Variants in TMEM245 observed in about 807,000 individuals in gnomAD.
TMEM245 encodes transmembrane protein 245.
TMEM245 carries 69 observed loss-of-function variants against 101.2 expected under a neutral mutation model. The observed-to-expected ratio is 0.68, with a 90% confidence interval of 0.56 to 0.83. TMEM245 has a LOEUF of 0.83. Among genes scored for constraint, TMEM245 ranks in the 40% least tolerant of loss-of-function variants. TMEM245 has a pLI of 0.00. For missense variants in TMEM245, 1,075 were observed against 1,092.8 expected, an observed-to-expected ratio of 0.98 and a Z score of 0.23; for synonymous variants, 537 against 449.8, an observed-to-expected ratio of 1.19 and a Z score of -2.45.
intron 14 of TMEM245, among the ~76,000 whole-genome samples, chr9:109,043,915 A>G (rs1828395486): frequency 6.6e-6 from 1 of 152,198 alleles, no homozygotes; most frequent in African/African-American, 2.4e-5. Flanking sequence ...AGAGTTAGTT[A>G]GGATCAGCTT....
chr9:109,119,327 T>G lies in TMEM245; in HGVS notation c.579+8A>C, dbSNP rs1161587312. On this transcript the variant is annotated splice_region_variant and intron_variant, in intron 1 of 17. Coordinates refer to ENST00000374586, the MANE Select transcript of TMEM245 (RefSeq NM_032012.4). ...GCGGGGGACGGGGGCGGACTGCCGC[T>G]CACTCACCCACAGGCTGCTGAAGTA... 10 of 1,524,064 alleles carry G rather than the reference T, an allele frequency of 6.6e-6. No individual in the cohort carries two copies. In the African/African-American group the frequency reaches 1.4e-4, roughly 22 times the overall value. The allele number at this position is 1,524,064 out of a possible 1,614,324, so 94.4% of individuals were successfully genotyped here.
At chr9:109,057,072 T>C in intron 12 of TMEM245, 119 bp downstream of exon 12, 5 of 1,122,772 alleles carry the variant, frequency 4.5e-6, no homozygotes, top group Non-Finnish European at 6.2e-6. Context: ...TTCTCAAATA[T>C]GTAAATGTCA....
At chr9:109,023,383 A>C (rs907808697) in intron 17 of TMEM245, among the ~76,000 whole-genome samples, 5 of 152,226 alleles carry the variant, frequency 3.3e-5, no homozygotes. Context: ...TAAAGCTCAT[A>C]AAACTATAAC....
intron 10 of TMEM245, 64 bp from the exon 11 acceptor site, chr9:109,060,516 T>G: frequency 9.2e-7 from 1 of 1,084,528 alleles, no homozygotes; most frequent in Non-Finnish European, 1.4e-6. Context: ...AAAATTAATA[T>G]ATGCTGGGTA....
At chr9:109,106,390 T>C (rs979999821) in intron 3 of TMEM245, 118 bp downstream of exon 3, 1 of 551,240 alleles carries the variant, frequency 1.8e-6, no homozygotes. Flanking sequence ...TATTTTCCAC[T>C]CAGAAACCAT....
chr9:109,062,946 G>A (rs1229285204), intron 10 of TMEM245, among the ~76,000 whole-genome samples: 2 of 151,526 alleles, frequency 1.3e-5, no homozygotes, highest in African/African-American at 4.9e-5. Context: ...CTCCAGCCTG[G>A]GCAACAGAGC....
At chr9:109,026,579 G>GA (rs144556356) in intron 17 of TMEM245, among the ~76,000 whole-genome samples, 4,737 of 145,574 alleles carry the variant, frequency 0.033, 262 homozygotes, top group African/African-American at 0.11. Context: ...GGCCATGAAA[G>GA]AAAAAAAAAA....
chr9:109,032,375 T>G (rs918239006), intron 17 of TMEM245, among the ~76,000 whole-genome samples: 98 of 60,768 alleles, frequency 1.6e-3, no homozygotes, highest in Admixed American at 2.2e-3. Context: ...CTTTTTTTTT[T>G]TTTTTTTTTT....
intron 6 of TMEM245, among the ~76,000 whole-genome samples, chr9:109,086,658 A>G (rs1829848033): frequency 2.0e-5 from 3 of 152,218 alleles, no homozygotes; most frequent in Admixed American, 2.0e-4. Context: ...AGGAAACTTC[A>G]TGGATTCATA....
intron 14 of TMEM245, among the ~76,000 whole-genome samples, chr9:109,042,658 T>C (rs1828347049): frequency 6.6e-6 from 1 of 152,066 alleles, no homozygotes; most frequent in Non-Finnish European, 1.5e-5. Flanking sequence ...AAAATTTTTT[T>C]ATTGAGATGA....
At position 109,018,100 on chromosome 9, in the gene TMEM245, A is replaced by T. The variant is rs1489244863; in HGVS notation, c.*2360T>A. The T allele has an allele frequency of 2.6e-5, 4 of 152,220 alleles. No homozygotes were observed. The highest frequency in any genetic ancestry group is 4.4e-5 in the Non-Finnish European group (3 of 68,050). 9.4% of individuals were successfully genotyped at this position (152,220 alleles called of 1,614,324 possible). A position where few individuals can be genotyped will look rare whatever the true frequency, so the allele number is the denominator to read the frequency against. ...CTAAGAACCTGATATTTATGCTAAT[A>T]ATTACCCAGCAAGAAACATTAGCTG... On this transcript the variant is annotated 3_prime_UTR_variant, in exon 18 of 18. Transcript: ENST00000374586.
chr9:109,119,534 G>C lies in TMEM245; in HGVS notation c.380C>G (p.Pro127Arg). Residue 127 changes from proline (P) to arginine (R), a missense_variant, in exon 1 of 18, where the codon CCG (proline) becomes CGG (arginine). Around this residue, in one of 2 missense-constraint regions of TMEM245, gnomAD observed 808 missense variants for 741.5 expected, o/e 1.09. Coordinates refer to ENST00000374586, the MANE Select transcript of TMEM245 (RefSeq NM_032012.4). ...TPIVLAALLL[P>R]LCFVDYGVEA... ...GACGCCGTAGTCGACGAAGCAGAGC[G>C]GCAGGAGCAGCGCGGCCAGGACGAT... 2.6e-6 allele frequency: 4 copies of C among 1,530,374 alleles called. No individual in the cohort carries two copies. Among genetic ancestry groups the C allele is most frequent in the South Asian group, 1.2e-5 (1 of 83,410 alleles). The allele number at this position is 1,530,374 out of a possible 1,614,324, so 94.8% of individuals were successfully genotyped here.
chr9:109,057,093 A>G, intron 12 of TMEM245, 98 bp downstream of exon 12: 1 of 1,327,004 alleles, frequency 7.5e-7, no homozygotes, highest in South Asian at 1.4e-5. Context: ...TGATGTTAAA[A>G]ACAGGATAGA....
rs370760612 is a variant in TMEM245, at chr9:109,090,930, G to A, written c.1142C>T (p.Pro381Leu). ...NLWIVQLLPV[P>L]IAVWILKKLV... ...CTTAACCAGATAACGACCTGCAATC[G>A]GCACTGGCAGCAACTGCACAATCCA... Residue 381 changes from proline (P) to leucine (L), a missense_variant, in exon 5 of 18, where the codon CCG becomes CTG. Physicochemically the swap from Pro to Leu is moderately conservative, Grantham distance 98 (BLOSUM62 -3). Coordinates refer to ENST00000374586, the MANE Select transcript of TMEM245 (RefSeq NM_032012.4). 2.9e-5 allele frequency: 47 copies of A among 1,613,742 alleles called. No individual in the cohort carries two copies. The highest frequency in any genetic ancestry group is 3.5e-5 in the Non-Finnish European group (41 of 1,179,880).
intron 10 of TMEM245, among the ~76,000 whole-genome samples, 160 bp from the exon 11 acceptor site, chr9:109,060,612 G>A (rs1828984408): frequency 6.6e-6 from 1 of 152,156 alleles, no homozygotes; most frequent in Non-Finnish European, 1.5e-5. Flanking sequence ...CTACTCCTGA[G>A]TATTCCCAGT....
intron 9 of TMEM245, among the ~76,000 whole-genome samples, chr9:109,065,678 G>A (rs549171740): frequency 6.6e-6 from 1 of 152,212 alleles, no homozygotes; most frequent in South Asian, 2.1e-4. Context: ...TTTTCCACAA[G>A]AGAAAATATG....
intron 4 of TMEM245, among the ~76,000 whole-genome samples, chr9:109,092,784 C>A (rs1439482486): frequency 6.6e-6 from 1 of 152,136 alleles, no homozygotes; most frequent in Non-Finnish European, 1.5e-5. Flanking sequence ...TGCAAGAGTA[C>A]AGCATGACTC....
In TMEM245 at chr9:109,086,000, C is replaced by A; in HGVS notation, c.1341G>T (p.Lys447Asn). Residue 447 changes from lysine to asparagine, a missense_variant, in exon 7 of 18, where the codon AAG becomes AAT. Physicochemically the swap from Lys to Asn is moderately conservative, Grantham distance 94 (BLOSUM62 0). Transcript: ENST00000374586. Reference sequence around the variant, plus strand: ...CAACATCTGGGTGTTCATTTACCTTCTTATTTAGCCAGTGCCAGAGCTTGA... The same window carrying A: ...CAACATCTGGGTGTTCATTTACCTTATTATTTAGCCAGTGCCAGAGCTTGA... ...VDSKLWHWLN[K>N]KMIIWLEKML... The A allele has an allele frequency of 6.2e-7, 1 of 1,613,986 alleles. No homozygotes were observed. Among genetic ancestry groups the A allele is most frequent in the Non-Finnish European group, 8.5e-7 (1 of 1,179,956 alleles).
Position 109,112,057 on chromosome 9 carries a change from G to A in TMEM245, c.580-3487C>T, listed in dbSNP as rs543780398. Among the ~76,000 whole-genome samples, 32 of 152,206 alleles carry A rather than the reference G, an allele frequency of 2.1e-4. No homozygotes were observed. The South Asian group carries it at 6.2e-3, about 30-fold the overall frequency. ...TCGCAGAAGTAATATTAGTTCAAGA[G>A]GTAAGGCCATTTATAAAAACACTTT... On this transcript the variant is annotated intron_variant, in intron 1 of 17. Transcript: ENST00000374586.
Sources: allele counts gnomAD v4.1 joint callset (sites outside exome capture counted in the v4.1 genomes callset), GRCh38; gene constraint gnomAD v4.1.1; regional missense constraint gnomAD v4.1.1; transcripts MANE v1.5; gene names NCBI Gene and HGNC (gene_info 2026-07-23, HGNC 2026-07-21).